The following ITGA8 variants were observed in gnomAD, a reference collection of about 807,000 sequenced individuals.
ITGA8 encodes the protein integrin subunit alpha 8, also known as integrin alpha-8.
Under a neutral mutation model 142.3 loss-of-function variants are expected in ITGA8, and 91 were observed. The ratio of observed to expected loss-of-function variants is 0.64; its 90% CI spans 0.54 to 0.76. The LOEUF (loss-of-function observed/expected upper bound fraction) is 0.76, where lower values mean the gene tolerates loss of function less well. ITGA8 is among the 30% of genes least tolerant of loss of function. The pLI is 0.00. For missense variants in ITGA8, 1,406 were observed against 1,327.7 expected, an observed-to-expected ratio of 1.06 and a Z score of -0.92; for synonymous variants, 505 against 485.2, an observed-to-expected ratio of 1.04 and a Z score of -0.54.
At chr10:15,612,182 A>T (rs1401416766) in intron 15 of ITGA8, among the ~76,000 whole-genome samples, 1 of 152,170 alleles carries the variant, frequency 6.6e-6, no homozygotes, top group East Asian at 1.9e-4. Context: ...GCAGTTAAAG[A>T]AGAGGATGCT....
At chr10:15,532,885 G>A (rs1196849394) in intron 27 of ITGA8, among the ~76,000 whole-genome samples, 4 of 152,126 alleles carry the variant, frequency 2.6e-5, no homozygotes, top group Non-Finnish European at 5.9e-5. Flanking sequence ...TATTACATTT[G>A]ACTATTATCT....
chr10:15,557,975 G>T, intron 26 of ITGA8, 99 bp downstream of exon 26: 1 of 1,430,454 alleles, frequency 7.0e-7, no homozygotes, highest in Non-Finnish European at 9.7e-7. Flanking sequence ...AGCACTGAAG[G>T]AGACCAAGAA....
chr10:15,532,678 G>A (rs933398998), intron 27 of ITGA8, among the ~76,000 whole-genome samples: 1 of 152,018 alleles, frequency 6.6e-6, no homozygotes, highest in Non-Finnish European at 1.5e-5. Flanking sequence ...GGATACAATG[G>A]TTCGATCTAC....
chr10:15,687,884 T>C, intron 3 of ITGA8, 54 bp downstream of exon 3: 8 of 1,036,102 alleles, frequency 7.7e-6, no homozygotes, highest in Non-Finnish European at 1.2e-5. Flanking sequence ...TTGAAAACAT[T>C]CCAGTGCACA....
At chr10:15,636,748 T>C (rs1000354454) in intron 13 of ITGA8, among the ~76,000 whole-genome samples, 3 of 152,306 alleles carry the variant, frequency 2.0e-5, no homozygotes, top group Non-Finnish European at 1.5e-5. Context: ...GTCATTACCA[T>C]ACTTCAGGCC....
At chr10:15,691,267 T>G (rs1401687490) in intron 2 of ITGA8, among the ~76,000 whole-genome samples, 1 of 152,172 alleles carries the variant, frequency 6.6e-6, no homozygotes, top group Non-Finnish European at 1.5e-5. Context: ...ACAGATGTTA[T>G]GAAAAACATT....
At chr10:15,543,520 T>G (rs1833612322) in intron 27 of ITGA8, among the ~76,000 whole-genome samples, 1 of 152,354 alleles carries the variant, frequency 6.6e-6, no homozygotes, top group African/African-American at 2.4e-5. Flanking sequence ...CATTTAGTGA[T>G]AATGTCTAAG....
At position 15,605,786 on chromosome 10, in the gene ITGA8, G is replaced by A; in HGVS notation, c.1908C>T (p.His636=). The A allele has an allele frequency of 5.0e-6, 8 of 1,613,314 alleles. No homozygotes were observed. The highest frequency in any genetic ancestry group is 1.7e-4 in the Middle Eastern group (1 of 6,054). The change falls in exon 19 of 30, where the codon CAC becomes CAT. Residue 636 remains histidine (H), a synonymous_variant. Coordinates refer to ENST00000378076, the MANE Select transcript of ITGA8 (RefSeq NM_003638.3). ...TGTCTTCTCCACAGTCCACCAGAAT[G>A]TGAGCCTGTGTTGTATAAACGCACG... The part of the protein sequence containing the change: ...YRENIVSEQA[H]ILVDCGEDNL...
In ITGA8 at chr10:15,554,804, A is replaced by C. The variant is rs544298914; in HGVS notation, c.2766+3270T>G. On this transcript the variant is annotated intron_variant, in intron 26 of 29. Coordinates refer to ENST00000378076, the MANE Select transcript of ITGA8 (RefSeq NM_003638.3). ...TGACTCACAGTTCCACAGGCTGTAC[A>C]GGAAGCATGACTGGGAGGCCTCAGG... is the stretch of plus-strand genomic sequence containing the variant. Among the ~76,000 whole-genome samples the C allele has an allele frequency of 5.3e-4, 80 of 151,968 alleles. 2 individuals carry two copies. The highest frequency in any genetic ancestry group is 4.6e-3 in the Admixed American group (70 of 15,234).
At chr10:15,686,493 G>T (rs1834834931) in intron 3 of ITGA8, among the ~76,000 whole-genome samples, 1 of 152,140 alleles carries the variant, frequency 6.6e-6, no homozygotes, top group Non-Finnish European at 1.5e-5. Flanking sequence ...TCTAGTGTTT[G>T]CCTGATATTA....
intron 28 of ITGA8, among the ~76,000 whole-genome samples, chr10:15,530,461 G>A (rs1167220056): frequency 7.3e-6 from 1 of 137,842 alleles, no homozygotes; most frequent in Non-Finnish European, 1.5e-5. Flanking sequence ...CAGAAGAATT[G>A]CTTGAACCTC....
At chr10:15,577,125 C>T (rs1834314155) in intron 23 of ITGA8, among the ~76,000 whole-genome samples, 1 of 152,114 alleles carries the variant, frequency 6.6e-6, no homozygotes, top group South Asian at 2.1e-4. Context: ...ATCCATTGTC[C>T]ATTGTGAGGT....
intron 28 of ITGA8, among the ~76,000 whole-genome samples, chr10:15,528,082 A>T (rs1345044147): frequency 1.3e-5 from 2 of 151,598 alleles, no homozygotes; most frequent in East Asian, 3.9e-4. Context: ...CGCCTTGCTA[A>T]TTTTATGCTT....
rs35130036 is a variant in ITGA8, at chr10:15,532,418, C to CAAAAAAAAAAA, written c.2881-1278_2881-1268dup. On this transcript the variant is annotated intron_variant, in intron 27 of 29. Coordinates refer to ENST00000378076, the MANE Select transcript of ITGA8 (RefSeq NM_003638.3). ...TGCGCAACCGAGTGAGACTCCCTCT[C>CAAAAAAAAAAA]AAAAAAAAAAAAAAAAAAAAAAAAA... 1.0e-3 allele frequency among the ~76,000 whole-genome samples: 29 copies of CAAAAAAAAAAA among 27,832 alleles called. 2 individuals carry two copies. The highest frequency in any genetic ancestry group is 5.3e-3 in the African/African-American group (25 of 4,756). The allele number at this position is 27,832 out of a possible 152,430, so 18.3% of individuals were successfully genotyped here.
At chr10:15,660,992 A>G (rs1834275704) in intron 8 of ITGA8, 70 bp from the exon 9 acceptor site, 3 of 1,344,390 alleles carry the variant, frequency 2.2e-6, no homozygotes, top group South Asian at 1.2e-5. Context: ...CACGCCATAT[A>G]CTAAAAGTGG....
intron 28 of ITGA8, among the ~76,000 whole-genome samples, chr10:15,520,543 T>G (rs1395567434): frequency 6.6e-6 from 1 of 152,200 alleles, no homozygotes; most frequent in East Asian, 1.9e-4. Context: ...ATGCTCAGTG[T>G]CTATGAACCA....
chr10:15,534,079 G>A (rs1277510299), intron 27 of ITGA8, among the ~76,000 whole-genome samples: 1 of 142,080 alleles, frequency 7.0e-6, no homozygotes, highest in African/African-American at 2.9e-5. Context: ...GCTAATTTTT[G>A]TATTTTTTTT....
At chr10:15,652,948 A>G (rs1483512931) in intron 11 of ITGA8, among the ~76,000 whole-genome samples, 3 of 152,242 alleles carry the variant, frequency 2.0e-5, no homozygotes, top group African/African-American at 7.2e-5. Context: ...TGGAATCCCC[A>G]TGGCTCACAG....
chr10:15,517,025 T>TC lies in ITGA8; in HGVS notation c.*132_*133insG. 1 of 468,362 alleles carries TC rather than the reference T, an allele frequency of 2.1e-6. No individual in the cohort carries two copies. The highest frequency in any genetic ancestry group is 3.6e-6 in the Non-Finnish European group (1 of 278,028). The allele number at this position is 468,362 out of a possible 1,614,324, so 29.0% of individuals were successfully genotyped here. On this transcript the variant is annotated 3_prime_UTR_variant, in exon 30 of 30. Coordinates refer to ENST00000378076, the MANE Select transcript of ITGA8 (RefSeq NM_003638.3). ...CCAAAGTGCGGTGTAGATGAGGTGA[T>TC]GTTTCCAGGGTCCCCTCCATTTCCT...
Sources: allele counts gnomAD v4.1 joint callset (sites outside exome capture counted in the v4.1 genomes callset), GRCh38; gene constraint gnomAD v4.1.1; transcripts MANE v1.5; gene names NCBI Gene and HGNC (gene_info 2026-07-23, HGNC 2026-07-21).